The following HDAC9 variants were observed in gnomAD, a reference collection of about 807,000 sequenced individuals.
The protein encoded by HDAC9 is histone deacetylase 9.
HDAC9 carries 41 observed loss-of-function variants against 139.4 expected under a neutral mutation model. That is an observed-to-expected ratio of 0.29 (90% CI 0.23 to 0.38). The LOEUF is 0.38. Ranked by LOEUF, HDAC9 falls within the 10% of genes least tolerant of loss-of-function variation. The pLI, the probability that HDAC9 is intolerant of heterozygous loss-of-function variation, is 1.00. For missense variants in HDAC9, 1,147 were observed against 1,297.0 expected (o/e 0.88, Z 1.78); for synonymous variants, 517 against 476.2 (o/e 1.09, Z -1.12).
chr7:18,720,389 T>C (rs1207957704), intron 12 of HDAC9, among the ~76,000 whole-genome samples: 1 of 151,748 alleles, frequency 6.6e-6, no homozygotes, highest in Non-Finnish European at 1.5e-5. Context: ...CAAATCATCA[T>C]ATTAAGTTCC....
intron 2 of HDAC9, among the ~76,000 whole-genome samples, chr7:18,260,021 A>T (rs1057353289): frequency 6.6e-6 from 1 of 152,036 alleles, no homozygotes; most frequent in Admixed American, 6.6e-5. Context: ...TTTTAGAGAG[A>T]TCTTTATATT....
chr7:18,929,314 C>A lies in HDAC9; in HGVS notation c.2804-6495C>A, dbSNP rs948411910. Among the ~76,000 whole-genome samples the A allele has an allele frequency of 5.3e-5, 8 of 152,104 alleles. No homozygotes were observed. The South Asian group carries it at 8.3e-4, about 16-fold the overall frequency. ...TACCATATTGATAGCTTATTTAATT[C>A]TATTTTTATAATCAAAAATATTAAA... On this transcript the variant is annotated intron_variant, in intron 22 of 25. Transcript: ENST00000686413.
In HDAC9 at chr7:18,878,342, A is replaced by G. The variant is rs907244341; in HGVS notation, c.2803+3746A>G. Among the ~76,000 whole-genome samples the G allele has an allele frequency of 6.6e-5, 10 of 152,164 alleles. No individual in the cohort carries two copies. In the South Asian group the frequency reaches 2.1e-3, roughly 31 times the overall value. On this transcript the variant is annotated intron_variant, in intron 22 of 25. Transcript: ENST00000686413. ...TTGCTTTTGTCATGTGAACAAGAAT[A>G]TGTTTTTCCTTTGGAATTATGCAAA...
chr7:18,631,522 C>A (rs531362705), intron 7 of HDAC9, among the ~76,000 whole-genome samples: 2 of 152,150 alleles, frequency 1.3e-5, no homozygotes, highest in East Asian at 1.9e-4. Flanking sequence ...CAGAGACTAT[C>A]ATAACATCAG....
At chr7:18,872,601 T>A (rs1320937983) in intron 21 of HDAC9, among the ~76,000 whole-genome samples, 1 of 152,100 alleles carries the variant, frequency 6.6e-6, no homozygotes, top group Non-Finnish European at 1.5e-5. Context: ...GAGAGAAAAA[T>A]TCACTTGCTT....
At chr7:18,352,785 C>A (rs1334133168) in intron 1 of HDAC9, among the ~76,000 whole-genome samples, 1 of 151,968 alleles carries the variant, frequency 6.6e-6, no homozygotes, top group Admixed American at 6.6e-5. Flanking sequence ...CCCCTTTTCC[C>A]CACTTTGGTT....
chr7:18,857,369 A>G (rs373170975), intron 21 of HDAC9, among the ~76,000 whole-genome samples: 55 of 87,004 alleles, frequency 6.3e-4, no homozygotes, highest in African/African-American at 1.7e-3. Flanking sequence ...GTGTGTATGT[A>G]TGTATGTACT....
intron 1 of HDAC9, among the ~76,000 whole-genome samples, chr7:18,320,173 C>T (rs2128634470): frequency 6.6e-6 from 1 of 152,342 alleles, no homozygotes; most frequent in South Asian, 2.1e-4. Context: ...ATCAAGGATG[C>T]TTGCAGTAGC....
chr7:18,805,225 C>G, intron 17 of HDAC9, among the ~76,000 whole-genome samples: 1 of 152,202 alleles, frequency 6.6e-6, no homozygotes. Flanking sequence ...CACTCATGTC[C>G]ACAAACAGGA....
intron 17 of HDAC9, among the ~76,000 whole-genome samples, chr7:18,827,655 C>T (rs1444510504): frequency 3.3e-5 from 5 of 152,080 alleles, no homozygotes; most frequent in African/African-American, 1.2e-4. Context: ...TTATGCCATA[C>T]CTTTAACCCA....
intron 6 of HDAC9, among the ~76,000 whole-genome samples, chr7:18,625,819 C>G (rs953090312): frequency 2.6e-5 from 4 of 151,740 alleles, no homozygotes; most frequent in Admixed American, 6.6e-5. Context: ...TGGCACATGC[C>G]TGTAGTCTCA....
intron 19 of HDAC9, among the ~76,000 whole-genome samples, chr7:18,830,756 C>T (rs1469540906): frequency 1.3e-5 from 2 of 152,144 alleles, no homozygotes; most frequent in Non-Finnish European, 2.9e-5. Context: ...CCTAACTATC[C>T]ATGTATTTTC....
intron 12 of HDAC9, among the ~76,000 whole-genome samples, chr7:18,710,050 C>T (rs2588636): frequency 0.19 from 28,913 of 152,216 alleles, 4,161 homozygotes; most frequent in African/African-American, 0.41. Context: ...GCCTCACAAT[C>T]ATGGTGGAAG....
chr7:18,207,397 C>T (rs1360069024), intron 2 of HDAC9, among the ~76,000 whole-genome samples: 1 of 151,858 alleles, frequency 6.6e-6, no homozygotes, highest in Non-Finnish European at 1.5e-5. Flanking sequence ...TGTTTTGATT[C>T]ATTATTTTTA....
At chr7:18,865,711 T>G (rs566256686) in intron 21 of HDAC9, among the ~76,000 whole-genome samples, 24 of 152,280 alleles carry the variant, frequency 1.6e-4, no homozygotes, top group South Asian at 6.2e-4. Flanking sequence ...TTCACCACTT[T>G]GGGAGCCTCT....
intron 16 of HDAC9, among the ~76,000 whole-genome samples, chr7:18,782,589 A>G (rs1461332856): frequency 2.6e-5 from 4 of 152,042 alleles, no homozygotes; most frequent in African/African-American, 9.7e-5. Context: ...TGTGGCTAGA[A>G]AACATGTAGC....
In HDAC9 at chr7:18,434,608, C is replaced by T. The variant is rs141768594; in HGVS notation, c.-41-61654C>T. Among the ~76,000 whole-genome samples, 655 of 152,182 alleles carry T rather than the reference C, an allele frequency of 4.3e-3. 4 individuals carry two copies. Among genetic ancestry groups the T allele is most frequent in the Middle Eastern group, 6.8e-3 (2 of 294 alleles). Reference sequence around the variant, plus strand: ...CATGAACAGACACTTCTCAAAAGAACACAAACCCATGACCAACAAGCATAT... The same window carrying T: ...CATGAACAGACACTTCTCAAAAGAATACAAACCCATGACCAACAAGCATAT... On this transcript the variant is annotated intron_variant, in intron 1 of 3. Coordinates refer to the HDAC9 transcript ENST00000413509.
intron 1 of HDAC9, among the ~76,000 whole-genome samples, chr7:18,134,972 A>G (rs191902057): frequency 2.0e-5 from 3 of 152,320 alleles, no homozygotes; most frequent in African/African-American, 7.2e-5. Context: ...AATATTCACT[A>G]TAGATTTTCT....
intron 6 of HDAC9, among the ~76,000 whole-genome samples, chr7:18,625,030 C>T (rs915062807): frequency 6.6e-6 from 1 of 151,994 alleles, no homozygotes; most frequent in Non-Finnish European, 1.5e-5. Context: ...TCCTTATTTT[C>T]AAAACCTTAT....
Sources: gnomAD v4.1 joint callset for allele counts (sites outside exome capture counted in the v4.1 genomes callset) on GRCh38, gnomAD v4.1.1 for gene constraint, MANE v1.5 for transcripts, NCBI Gene and HGNC (gene_info 2026-07-23, HGNC 2026-07-21) for gene names.